Variants in SLC2A9 observed in about 807,000 individuals in gnomAD.
The protein encoded by SLC2A9 is solute carrier family 2 member 9.
A neutral mutation model predicts 50.6 loss-of-function variants in SLC2A9; 39 were observed. The ratio of observed to expected loss-of-function variants is 0.77; its 90% CI spans 0.60 to 1.01. The LOEUF (loss-of-function observed/expected upper bound fraction) is 1.01, where lower values mean the gene tolerates loss of function less well. SLC2A9 is among the 50% of genes least tolerant of loss of function. SLC2A9 has a pLI of 0.00. For missense variants in SLC2A9, 686 were observed against 677.6 expected (o/e 1.01, Z -0.14); for synonymous variants, 324 against 276.9 (o/e 1.17, Z -1.69).
chr4:10,026,799 G>A (rs1009830459), intron 1 of SLC2A9, among the ~76,000 whole-genome samples: 27 of 152,280 alleles, frequency 1.8e-4, no homozygotes, highest in South Asian at 4.1e-4. Flanking sequence ...ATCCCAGCAC[G>A]TGGGGAGGCC....
At chr4:9,983,383 G>A (rs1044088115) in intron 4 of SLC2A9, among the ~76,000 whole-genome samples, 8 of 152,226 alleles carry the variant, frequency 5.3e-5, no homozygotes, top group Admixed American at 1.3e-4. Context: ...ACCAGCAAAC[G>A]TGCATGCAAA....
chr4:9,895,134 A>G (rs1738286636), intron 8 of SLC2A9, among the ~76,000 whole-genome samples: 1 of 152,236 alleles, frequency 6.6e-6, no homozygotes, highest in African/African-American at 2.4e-5. Context: ...TGACGTTCAA[A>G]TACTTTGGAA....
At chr4:9,865,501 C>T (rs1732301452) in intron 10 of SLC2A9, among the ~76,000 whole-genome samples, 1 of 152,198 alleles carries the variant, frequency 6.6e-6, no homozygotes, top group Non-Finnish European at 1.5e-5. Context: ...TTACAGAGTA[C>T]ATTTAAATCT....
intron 3 of SLC2A9, chr4:9,781,873 G>T: frequency 1.7e-6 from 1 of 584,938 alleles, no homozygotes; most frequent in Non-Finnish European, 2.7e-6. Flanking sequence ...GTCCCCGCGC[G>T]CTCCGCAGCC....
chr4:9,810,837 G>T (rs1299660011), intron 3 of SLC2A9, among the ~76,000 whole-genome samples: 1 of 152,250 alleles, frequency 6.6e-6, no homozygotes, highest in Non-Finnish European at 1.5e-5. Flanking sequence ...CATCCTGGAA[G>T]GGCCAGTGGG....
chr4:9,838,083 G>C (rs1346232572), intron 10 of SLC2A9, among the ~76,000 whole-genome samples: 1 of 152,112 alleles, frequency 6.6e-6, no homozygotes, highest in Non-Finnish European at 1.5e-5. Context: ...GCACTCAATA[G>C]GTGTTAGATA....
chr4:9,987,623 A>G (rs1039035559), intron 3 of SLC2A9, among the ~76,000 whole-genome samples: 2 of 152,190 alleles, frequency 1.3e-5, no homozygotes, highest in African/African-American at 4.8e-5. Flanking sequence ...CCACCAGCTA[A>G]CATTGCCTCT....
intron 10 of SLC2A9, among the ~76,000 whole-genome samples, chr4:9,873,504 TCCAAGC>T (rs1430158852): frequency 6.6e-6 from 1 of 152,214 alleles, no homozygotes; most frequent in Non-Finnish European, 1.5e-5. Flanking sequence ...AGTGTGGAGT[TCCAAGC>T]CCAGGCCTCA....
At chr4:9,866,793 C>T (rs13105954) in intron 10 of SLC2A9, among the ~76,000 whole-genome samples, 49 of 152,096 alleles carry the variant, frequency 3.2e-4, no homozygotes, top group African/African-American at 1.2e-3. Flanking sequence ...CAGCACCTAG[C>T]ACCCATTTTA....
intron 1 of SLC2A9, among the ~76,000 whole-genome samples, chr4:10,032,493 A>G (rs1317265087): frequency 1.3e-5 from 2 of 152,080 alleles, no homozygotes; most frequent in Non-Finnish European, 2.9e-5. Context: ...GAGGATGATC[A>G]GGGGAGCTCT....
At chr4:9,927,588 T>C (rs1166654089) in intron 6 of SLC2A9, among the ~76,000 whole-genome samples, 1 of 152,180 alleles carries the variant, frequency 6.6e-6, no homozygotes, top group Non-Finnish European at 1.5e-5. Context: ...AATAGGAGAT[T>C]TCATCAAAGC....
intron 10 of SLC2A9, among the ~76,000 whole-genome samples, chr4:9,848,066 G>A (rs879377733): frequency 6.6e-6 from 1 of 152,166 alleles, no homozygotes; most frequent in Non-Finnish European, 1.5e-5. Flanking sequence ...TTTCAGAGGA[G>A]TAGGATCCAG....
At chr4:10,009,749 G>A (rs1300448998) in intron 2 of SLC2A9, 2 of 152,204 alleles carry the variant, frequency 1.3e-5, no homozygotes, top group African/African-American at 4.8e-5. Flanking sequence ...TGGATGGTGT[G>A]GGGCCAATGA....
At chr4:9,935,858 C>T (rs1746974046) in intron 6 of SLC2A9, among the ~76,000 whole-genome samples, 2 of 152,186 alleles carry the variant, frequency 1.3e-5, no homozygotes, top group Admixed American at 6.5e-5. Context: ...AGCTCTGTGG[C>T]TCATAAAACA....
chr4:9,813,631 C>A (rs959903520), intron 3 of SLC2A9, among the ~76,000 whole-genome samples: 2 of 152,220 alleles, frequency 1.3e-5, no homozygotes, highest in African/African-American at 4.8e-5. Flanking sequence ...ATCCCAGAGT[C>A]TATCATGGGA....
chr4:9,999,951 G>A lies in SLC2A9; in HGVS notation c.250-3010C>T, dbSNP rs187748331. On this transcript the variant is annotated intron_variant, in intron 2 of 11. Transcript: ENST00000264784. ...AATAGGTAGGACTTCCTGGGTGATT[G>A]GCTCCAGGTTTGAGAACAGATGGTG... is the stretch of plus-strand genomic sequence containing the variant. 1.1e-3 allele frequency among the ~76,000 whole-genome samples: 171 copies of A among 152,228 alleles called. 3 individuals carry two copies. The highest frequency in any genetic ancestry group is 4.4e-5 in the Non-Finnish European group (3 of 68,014).
intron 10 of SLC2A9, among the ~76,000 whole-genome samples, chr4:9,881,264 C>A (rs1397386745): frequency 6.6e-6 from 1 of 152,240 alleles, no homozygotes; most frequent in Non-Finnish European, 1.5e-5. Context: ...TGGGCCCTAG[C>A]CCTCCAAGAT....
chr4:9,871,280 C>T (rs369315467), intron 10 of SLC2A9, among the ~76,000 whole-genome samples: 79 of 152,264 alleles, frequency 5.2e-4, no homozygotes, highest in South Asian at 8.3e-4. Flanking sequence ...TTCCTGCCAA[C>T]TTAGTGGCTA....
chr4:9,831,994 A>T (rs1726228152), intron 11 of SLC2A9, among the ~76,000 whole-genome samples: 1 of 152,206 alleles, frequency 6.6e-6, no homozygotes, highest in South Asian at 2.1e-4. Flanking sequence ...CTCAGAAGAA[A>T]TCAACCGTGC....
Sources: allele counts gnomAD v4.1 joint callset (sites outside exome capture counted in the v4.1 genomes callset), GRCh38; gene constraint gnomAD v4.1.1; transcripts MANE v1.5; gene names NCBI Gene and HGNC (gene_info 2026-07-23, HGNC 2026-07-21).